NRG3: variants seen among roughly 807,000 people sequenced by gnomAD.
NRG3 encodes the protein pro-neuregulin-3, membrane-bound isoform.
In NRG3, 31 loss-of-function variants were observed where a neutral mutation model predicts 66.9. The observed-to-expected ratio is 0.46, with a 90% CI of 0.35 to 0.63. The LOEUF is 0.63. NRG3 is among the 20% of genes least tolerant of loss of function. The pLI is 0.00. For synonymous variants in NRG3, 393 were observed against 359.4 expected, an observed-to-expected ratio of 1.09 and a Z score of -1.06; for missense variants, 910 against 878.9, an observed-to-expected ratio of 1.04 and a Z score of -0.45.
chr10:82,282,592 T>C (rs779983576), intron 1 of NRG3, among the ~76,000 whole-genome samples: 2 of 152,214 alleles, frequency 1.3e-5, no homozygotes, highest in African/African-American at 2.4e-5. Flanking sequence ...TTTATGCTTC[T>C]AGCCTCGGTT....
chr10:82,346,885 T>C (rs1589797595), intron 1 of NRG3, among the ~76,000 whole-genome samples: 1 of 152,240 alleles, frequency 6.6e-6, no homozygotes, highest in East Asian at 1.9e-4. Context: ...GATGGTAGTT[T>C]GTATTTCTGT....
At chr10:81,921,406 A>G (rs1846240815) in intron 1 of NRG3, among the ~76,000 whole-genome samples, 1 of 152,068 alleles carries the variant, frequency 6.6e-6, no homozygotes, top group Admixed American at 6.5e-5. Context: ...AGAAATGCCA[A>G]GTAGTTTTGC....
At chr10:82,012,299 AC>A (rs1447815016) in intron 1 of NRG3, among the ~76,000 whole-genome samples, 1 of 151,634 alleles carries the variant, frequency 6.6e-6, no homozygotes, top group African/African-American at 2.4e-5. Context: ...GATGCAGGAC[AC>A]CAAGTCCCTA....
chr10:82,533,725 G>C (rs1207024119), intron 2 of NRG3, among the ~76,000 whole-genome samples: 1 of 145,042 alleles, frequency 6.9e-6, no homozygotes, highest in East Asian at 1.9e-4. Context: ...CAACAAAGAG[G>C]AGAAGTCTTA....
At chr10:81,959,077 A>T (rs1303263827) in intron 1 of NRG3, among the ~76,000 whole-genome samples, 1 of 152,146 alleles carries the variant, frequency 6.6e-6, no homozygotes, top group Non-Finnish European at 1.5e-5. Flanking sequence ...CCTTGTTTGC[A>T]CCCACACACA....
chr10:82,574,485 C>A (rs1415854072), intron 2 of NRG3, among the ~76,000 whole-genome samples: 1 of 151,612 alleles, frequency 6.6e-6, no homozygotes, highest in Non-Finnish European at 1.5e-5. Context: ...AAAGTGACTG[C>A]AGTTAACAAT....
intron 2 of NRG3, among the ~76,000 whole-genome samples, chr10:82,598,251 C>G (rs2047405654): frequency 6.6e-6 from 1 of 152,188 alleles, no homozygotes; most frequent in Non-Finnish European, 1.5e-5. Context: ...GTAGACAAAT[C>G]TATACATTTC....
At chr10:81,947,772 A>C (rs558620888) in intron 1 of NRG3, among the ~76,000 whole-genome samples, 151 of 152,154 alleles carry the variant, frequency 9.9e-4, no homozygotes, top group Non-Finnish European at 1.5e-3. Flanking sequence ...CTAATATGAC[A>C]AAAGTGCCGT....
Position 82,174,106 on chromosome 10 carries a change from T to A in NRG3, c.824-184633T>A, listed in dbSNP as rs7923972. Among the ~76,000 whole-genome samples, 1,461 of 152,206 alleles carry A rather than the reference T, an allele frequency of 9.6e-3. 22 individuals are homozygous for A. Among genetic ancestry groups the A allele is most frequent in the African/African-American group, 0.033 (1,388 of 41,522 alleles). ...GTCATTCAAAATTACCCATGTGTGGTACATCATTACTGGGTAGAAGAACTG... is the reference window on the plus strand; with the variant it reads ...GTCATTCAAAATTACCCATGTGTGGAACATCATTACTGGGTAGAAGAACTG... On this transcript the variant is annotated intron_variant, in intron 1 of 8. Transcript: ENST00000372141.
At chr10:82,551,853 A>G (rs961897769) in intron 2 of NRG3, among the ~76,000 whole-genome samples, 9 of 152,022 alleles carry the variant, frequency 5.9e-5, no homozygotes, top group East Asian at 1.9e-4. Context: ...ATATGCATCC[A>G]TAGACACTAG....
At chr10:82,289,488 T>G (rs1432282545) in intron 1 of NRG3, among the ~76,000 whole-genome samples, 1 of 152,226 alleles carries the variant, frequency 6.6e-6, no homozygotes, top group Non-Finnish European at 1.5e-5. Flanking sequence ...AAGAAAGAAA[T>G]AATAGTAGAT....
intron 2 of NRG3, among the ~76,000 whole-genome samples, chr10:82,372,175 A>T (rs978856650): frequency 6.6e-6 from 1 of 152,222 alleles, no homozygotes; most frequent in African/African-American, 2.4e-5. Context: ...CTGGCCAACA[A>T]AGGCTTGGAG....
intron 2 of NRG3, among the ~76,000 whole-genome samples, chr10:82,391,680 A>C (rs1261422681): frequency 6.6e-6 from 1 of 152,170 alleles, no homozygotes; most frequent in Non-Finnish European, 1.5e-5. Flanking sequence ...CAAGGGGATA[A>C]ACTTTTGGGG....
intron 3 of NRG3, among the ~76,000 whole-genome samples, chr10:82,775,564 A>G (rs933738864): frequency 2.0e-5 from 3 of 152,050 alleles, no homozygotes; most frequent in Admixed American, 6.6e-5. Flanking sequence ...TGCACAAGAG[A>G]AGAATGTATA....
chr10:81,958,431 C>T (rs539431755), intron 1 of NRG3, among the ~76,000 whole-genome samples: 1 of 152,230 alleles, frequency 6.6e-6, no homozygotes. Flanking sequence ...TGAAATTCTC[C>T]TCTCCCTTCA....
intron 1 of NRG3, among the ~76,000 whole-genome samples, chr10:82,201,876 AAG>A (rs2074845917): frequency 6.6e-6 from 1 of 152,174 alleles, no homozygotes; most frequent in African/African-American, 2.4e-5. Flanking sequence ...TCTAGTATGT[AAG>A]AAATTATATT....
At chr10:82,336,321 A>G (rs2082383308) in intron 1 of NRG3, among the ~76,000 whole-genome samples, 1 of 152,098 alleles carries the variant, frequency 6.6e-6, no homozygotes, top group Non-Finnish European at 1.5e-5. Flanking sequence ...CTGTTTTCCT[A>G]CTTTGTAGTG....
At chr10:82,375,968 A>G (rs568999292) in intron 2 of NRG3, among the ~76,000 whole-genome samples, 1 of 152,328 alleles carries the variant, frequency 6.6e-6, no homozygotes, top group South Asian at 2.1e-4. Context: ...ATAAAATGCC[A>G]AATTAAGAAG....
At chr10:82,768,100 A>G (rs1256237875) in intron 3 of NRG3, among the ~76,000 whole-genome samples, 1 of 152,154 alleles carries the variant, frequency 6.6e-6, no homozygotes, top group African/African-American at 2.4e-5. Context: ...TCCTTTCTAA[A>G]GGCGGATGCC....
Sources: allele counts gnomAD v4.1 joint callset (sites outside exome capture counted in the v4.1 genomes callset), GRCh38; gene constraint gnomAD v4.1.1; transcripts MANE v1.5; gene names NCBI Gene and HGNC (gene_info 2026-07-23, HGNC 2026-07-21).